The following TBXAS1 variants were observed in gnomAD, a reference collection of about 807,000 sequenced individuals.
TBXAS1 encodes the protein thromboxane A synthase 1.
TBXAS1 carries 48 observed loss-of-function variants against 60.7 expected under a neutral mutation model. The observed-to-expected ratio is 0.79, with a 90% CI of 0.63 to 1.01. The LOEUF (loss-of-function observed/expected upper bound fraction) is 1.01. Among genes scored for constraint, TBXAS1 ranks in the 50% least tolerant of loss-of-function variants. The probability of loss-of-function intolerance (pLI) is 0.00; values close to 1 mark genes in which losing one functional copy is unlikely to be tolerated. For missense variants in TBXAS1, 685 were observed against 686.3 expected, an observed-to-expected ratio of 1.00 and a Z score of 0.02; for synonymous variants, 287 against 269.7, an observed-to-expected ratio of 1.06 and a Z score of -0.63.
intron 4 of TBXAS1, among the ~76,000 whole-genome samples, chr7:139,923,390 A>G (rs2117116296): frequency 6.6e-6 from 1 of 152,224 alleles, no homozygotes; most frequent in African/African-American, 2.4e-5. Flanking sequence ...TCTCGTGGTT[A>G]TTCTAGTTCT....
intron 4 of TBXAS1, among the ~76,000 whole-genome samples, chr7:139,807,831 T>C (rs1389418218): frequency 6.6e-6 from 1 of 151,962 alleles, no homozygotes; most frequent in Admixed American, 6.6e-5. Flanking sequence ...TTATTTTCCA[T>C]GGCCTTGCCC....
rs766046892 is a variant in TBXAS1 at position 140,015,793 on chromosome 7, A to G, written c.1297A>G (p.Met433Val). The G allele has an allele frequency of 2.5e-6, 4 of 1,613,760 alleles. No individual in the cohort carries two copies. In the South Asian group the frequency reaches 4.4e-5, roughly 18 times the overall value. ...CATCCCCGCAGGCGCTGTGCTAGAGATGGCCGTGGGTGCCCTGCACCATGA... is the reference window on the plus strand; with the variant it reads ...CATCCCCGCAGGCGCTGTGCTAGAGGTGGCCGTGGGTGCCCTGCACCATGA... Reference protein sequence around the residue: ...QRIPAGAVLEMAVGALHHDPE... With the variant: ...QRIPAGAVLEVAVGALHHDPE... The change falls in exon 11 of 13, where the codon ATG (methionine) becomes GTG (valine). Residue 433 changes from methionine (M) to valine (V), a missense_variant. Physicochemically the swap from Met to Val is conservative, Grantham distance 21. Coordinates refer to ENST00000448866, the MANE Select transcript of TBXAS1 (RefSeq NM_001061.7).
At chr7:139,798,827 T>G (rs1423901080) in intron 4 of TBXAS1, among the ~76,000 whole-genome samples, 5 of 152,206 alleles carry the variant, frequency 3.3e-5, no homozygotes, top group African/African-American at 1.2e-4. Flanking sequence ...AGATTCTGAT[T>G]CCGTGTGTGA....
chr7:139,848,592 T>C (rs1366426643), intron 1 of TBXAS1, among the ~76,000 whole-genome samples: 1 of 152,216 alleles, frequency 6.6e-6, no homozygotes, highest in African/African-American at 2.4e-5. Flanking sequence ...TCCACATGTT[T>C]GTAATGGGAC....
At chr7:139,902,375 A>G (rs1804651821) in intron 3 of TBXAS1, among the ~76,000 whole-genome samples, 1 of 152,090 alleles carries the variant, frequency 6.6e-6, no homozygotes. Flanking sequence ...ATGTAATCTA[A>G]TGATATTTGT....
At chr7:139,827,292 T>G (rs569717378), upstream of TBXAS1, among the ~76,000 whole-genome samples, 1 of 152,372 alleles carries the variant, frequency 6.6e-6, no homozygotes, top group Admixed American at 6.5e-5. Context: ...TGCTGGCTTT[T>G]GGTGTCCATT....
At chr7:139,911,494 G>C (rs1487999178) in intron 4 of TBXAS1, among the ~76,000 whole-genome samples, 173 bp downstream of exon 4, 1 of 152,118 alleles carries the variant, frequency 6.6e-6, no homozygotes, top group African/African-American at 2.4e-5. Context: ...TATGGGACTG[G>C]TACAAAAGAG....
chr7:139,914,588 CAAG>C (rs1805815214), intron 4 of TBXAS1, among the ~76,000 whole-genome samples: 2 of 152,120 alleles, frequency 1.3e-5, no homozygotes, highest in Admixed American at 6.5e-5. Context: ...CTGCTTCTCA[CAAG>C]AAAACCCTCC....
At chr7:139,823,174 G>C (rs774230936) in intron 4 of TBXAS1, among the ~76,000 whole-genome samples, 1 of 151,776 alleles carries the variant, frequency 6.6e-6, no homozygotes, top group South Asian at 2.1e-4. Flanking sequence ...CCGATCTCCT[G>C]TCCTCCTGTT....
chr7:139,870,472 CTT>C (rs1162501931), intron 1 of TBXAS1, among the ~76,000 whole-genome samples: 1 of 152,156 alleles, frequency 6.6e-6, no homozygotes, highest in Non-Finnish European at 1.5e-5. Flanking sequence ...GGTAAGTTTC[CTT>C]TGGTCTTTCC....
chr7:139,971,494 CT>C (rs1811192747), intron 9 of TBXAS1, among the ~76,000 whole-genome samples: 1 of 152,204 alleles, frequency 6.6e-6, no homozygotes, highest in African/African-American at 2.4e-5. Context: ...ACAAACTTAT[CT>C]TAGAGATCCG....
upstream of TBXAS1, among the ~76,000 whole-genome samples, chr7:139,826,375 C>G (rs932607538): frequency 1.3e-5 from 2 of 151,914 alleles, no homozygotes; most frequent in African/African-American, 4.8e-5. Flanking sequence ...TTGGGGGACA[C>G]TAAGTAGGAG....
chr7:139,887,232 G>C (rs1479072129), intron 3 of TBXAS1, among the ~76,000 whole-genome samples: 4 of 152,160 alleles, frequency 2.6e-5, no homozygotes, highest in Non-Finnish European at 5.9e-5. Context: ...TAACCTGAAG[G>C]ACATTTGGCT....
chr7:139,872,289 G>C lies in TBXAS1; in HGVS notation c.144G>C (p.Lys48Asn). The change falls in exon 2 of 13, where the codon AAG becomes AAC. Residue 48 changes from lysine (K) to asparagine (N), a missense_variant. Coordinates refer to ENST00000448866, the MANE Select transcript of TBXAS1 (RefSeq NM_001061.7). ...RLEKLGLRHP[K>N]PSPFIGNLTF... is the part of the protein sequence containing the mutation. ...AGAAGTTAGGCCTCAGACATCCCAA[G>C]CCTTCTCCTTTCATTGGAAACTTGA... 6.2e-7 allele frequency: 1 copy of C among 1,614,084 alleles called. No homozygotes were observed.
chr7:139,898,652 T>C (rs1303334829), intron 3 of TBXAS1, among the ~76,000 whole-genome samples: 1 of 152,092 alleles, frequency 6.6e-6, no homozygotes, highest in Non-Finnish European at 1.5e-5. Flanking sequence ...TGGGGGGTGT[T>C]GGGCTCCTGT....
Position 139,829,386 on chromosome 7 carries a change from G to A in TBXAS1, c.-5G>A, listed in dbSNP as rs1268622503. 10 of 1,613,336 alleles carry A rather than the reference G, an allele frequency of 6.2e-6. No homozygotes were observed. The highest frequency in any genetic ancestry group is 7.6e-6 in the Non-Finnish European group (9 of 1,179,736). The stretch of plus-strand genomic sequence containing the variant: ...AGACCACCACTCTGGGGTCTCAGAG[G>A]AATGATGGAAGCCTTGGGGTTTCTA... On this transcript the variant is annotated 5_prime_UTR_variant, in exon 1 of 13. Transcript: ENST00000448866.
chr7:139,844,784 G>A (rs1799692118), intron 1 of TBXAS1, among the ~76,000 whole-genome samples: 2 of 152,190 alleles, frequency 1.3e-5, no homozygotes, highest in Admixed American at 1.3e-4. Flanking sequence ...CATGATCTAA[G>A]AGCGTACCTA....
intron 9 of TBXAS1, among the ~76,000 whole-genome samples, chr7:139,990,213 G>A (rs1812783585): frequency 6.6e-6 from 1 of 152,106 alleles, no homozygotes; most frequent in Non-Finnish European, 1.5e-5. Context: ...CCTCACTCAG[G>A]GCCTTGGCTC....
intron 4 of TBXAS1, among the ~76,000 whole-genome samples, chr7:139,920,590 T>C (rs951456974): frequency 6.6e-6 from 1 of 152,180 alleles, no homozygotes; most frequent in Non-Finnish European, 1.5e-5. Flanking sequence ...CAGCCTAACG[T>C]GAGCCTGTGA....
Sources: gnomAD v4.1 joint callset for allele counts (sites outside exome capture counted in the v4.1 genomes callset) on GRCh38, gnomAD v4.1.1 for gene constraint, MANE v1.5 for transcripts, NCBI Gene and HGNC (gene_info 2026-07-23, HGNC 2026-07-21) for gene names.